CDH4: variants seen among roughly 807,000 people sequenced by gnomAD.
CDH4 encodes the protein cadherin-4.
Under a neutral mutation model 86.0 loss-of-function variants are expected in CDH4, and 33 were observed. That is an observed-to-expected ratio of 0.38 (90% CI 0.29 to 0.51). CDH4 has a LOEUF of 0.51. CDH4 is among the 20% of genes least tolerant of loss of function. CDH4 has a pLI of 0.86. For missense variants in CDH4, 1,114 were observed against 1,307.4 expected (o/e 0.85, Z 2.28); for synonymous variants, 555 against 549.4 (o/e 1.01, Z -0.14).
chr20:61,776,756 C>T (rs4925281), intron 4 of CDH4, among the ~76,000 whole-genome samples: 64,335 of 152,164 alleles, frequency 0.42, 14,406 homozygotes, highest in East Asian at 0.71. Flanking sequence ...AGCCATTCAG[C>T]CACCCAGGAT....
In CDH4 at chr20:61,572,360, G is replaced by A. The variant is rs137949998; in HGVS notation, c.170-171203G>A. ...GAATGAAGGCTGAAGTTTCCCAAGT[G>A]ACAGAGCAAAAGCTGGAGTGGGAGA... is the stretch of plus-strand genomic sequence containing the variant. On this transcript the variant is annotated intron_variant, in intron 2 of 15. Transcript: ENST00000614565. 3.4e-3 allele frequency among the ~76,000 whole-genome samples: 519 copies of A among 152,316 alleles called. 6 individuals are homozygous for A. The highest frequency in any genetic ancestry group is 0.012 in the African/African-American group (490 of 41,562).
At chr20:61,380,496 C>T (rs1436887736) in intron 2 of CDH4, among the ~76,000 whole-genome samples, 4 of 152,116 alleles carry the variant, frequency 2.6e-5, no homozygotes, top group Admixed American at 6.5e-5. Context: ...CCTTCCACGG[C>T]GCTCCCACCA....
intron 2 of CDH4, among the ~76,000 whole-genome samples, chr20:61,730,170 C>A (rs1443345718): frequency 6.6e-6 from 1 of 152,062 alleles, no homozygotes; most frequent in Admixed American, 6.6e-5. Context: ...AGGACACAGT[C>A]CAGGCTCCAG....
Position 61,769,245 on chromosome 20 carries a change from G to A in CDH4, c.397-3758G>A, listed in dbSNP as rs575915505. ...TCTCCAACTGCAGAACATATCAGGCGTGGTTGGCGGCCCCACCCCAGAGTT... is the reference window on the plus strand; with the variant it reads ...TCTCCAACTGCAGAACATATCAGGCATGGTTGGCGGCCCCACCCCAGAGTT... On this transcript the variant is annotated intron_variant, in intron 3 of 15. Coordinates refer to ENST00000614565, the MANE Select transcript of CDH4 (RefSeq NM_001794.5). 4.6e-5 allele frequency among the ~76,000 whole-genome samples: 7 copies of A among 152,328 alleles called. No homozygotes were observed. In the East Asian group the frequency reaches 5.8e-4, roughly 13 times the overall value.
chr20:61,744,225 TG>T (rs1436221410), intron 3 of CDH4, among the ~76,000 whole-genome samples: 1 of 149,676 alleles, frequency 6.7e-6, no homozygotes, highest in Non-Finnish European at 1.5e-5. Context: ...AACCAGAGAG[TG>T]GGGAGGCGAT....
intron 2 of CDH4, among the ~76,000 whole-genome samples, chr20:61,280,897 A>G (rs1362869704): frequency 2.6e-5 from 4 of 152,152 alleles, no homozygotes; most frequent in Non-Finnish European, 5.9e-5. Flanking sequence ...GGGTCCAGGA[A>G]CAGCTCACCC....
chr20:61,638,895 T>C (rs1415789999), intron 2 of CDH4, among the ~76,000 whole-genome samples: 3 of 151,944 alleles, frequency 2.0e-5, no homozygotes, highest in African/African-American at 7.3e-5. Flanking sequence ...CAGTGTAGGG[T>C]AGGGAATTGA....
intron 3 of CDH4, among the ~76,000 whole-genome samples, chr20:61,755,261 C>T (rs554189057): frequency 5.3e-5 from 8 of 150,618 alleles, no homozygotes; most frequent in Non-Finnish European, 8.9e-5. Context: ...ACAGCCAAAC[C>T]ATATCAATAC....
intron 2 of CDH4, among the ~76,000 whole-genome samples, chr20:61,336,230 C>T (rs562544132): frequency 5.5e-4 from 84 of 152,266 alleles, no homozygotes; most frequent in African/African-American, 2.0e-3. Context: ...AATCACAGTT[C>T]ACTCAATAAG....
intron 11 of CDH4, among the ~76,000 whole-genome samples, chr20:61,927,681 GC>G (rs1568893712): frequency 6.6e-6 from 1 of 152,236 alleles, no homozygotes. Flanking sequence ...GCGGATCCCA[GC>G]CCTCAGGGGC....
chr20:61,327,990 G>T (rs948716560), intron 2 of CDH4, among the ~76,000 whole-genome samples: 1 of 152,172 alleles, frequency 6.6e-6, no homozygotes, highest in African/African-American at 2.4e-5. Context: ...TGATGCTTTT[G>T]TGGGAGATGG....
In CDH4 at chr20:61,811,325, G is replaced by C. The variant is rs1039574755; in HGVS notation, c.577-33343G>C. On this transcript the variant is annotated intron_variant, in intron 4 of 15. Transcript: ENST00000614565. This position sits in a 1 kb window ranked among gnomAD's most constrained non-coding sequence, Gnocchi z 4.4. ...CGGCAGCCCAAGACCGCCCTCATCGGGGGTGGGAATGAAATGCCCCTTCCC... is the reference window on the plus strand; with the variant it reads ...CGGCAGCCCAAGACCGCCCTCATCGCGGGTGGGAATGAAATGCCCCTTCCC... Among the ~76,000 whole-genome samples, 2 of 152,188 alleles carry C rather than the reference G, an allele frequency of 1.3e-5. No individual in the cohort carries two copies. Among genetic ancestry groups the C allele is most frequent in the African/African-American group, 2.4e-5 (1 of 41,448 alleles).
chr20:61,356,167 G>A (rs28638801), intron 2 of CDH4, among the ~76,000 whole-genome samples: 6,593 of 152,294 alleles, frequency 0.043, 203 homozygotes, highest in Middle Eastern at 0.075. Flanking sequence ...TTTCTATGAA[G>A]TGCCTCATCT....
chr20:61,925,863 CACGTCTGCTACTAAGG>C (rs1368746896), intron 11 of CDH4, among the ~76,000 whole-genome samples: 11 of 152,146 alleles, frequency 7.2e-5, no homozygotes, highest in Non-Finnish European at 1.0e-4. Context: ...GGCACGGGCA[CACGTCTGCTACTAAGG>C]ACTTTCAGAA....
At chr20:61,767,330 C>T (rs2088711719) in intron 3 of CDH4, among the ~76,000 whole-genome samples, 1 of 152,202 alleles carries the variant, frequency 6.6e-6, no homozygotes, top group African/African-American at 2.4e-5. Flanking sequence ...TATCAGGGCC[C>T]TGCTGCCCCC....
At chr20:61,428,765 G>GATTTGTGC (rs372570563) in intron 2 of CDH4, among the ~76,000 whole-genome samples, 4,337 of 152,236 alleles carry the variant, frequency 0.028, 96 homozygotes, top group Non-Finnish European at 0.044. Flanking sequence ...CATGCATCAT[G>GATTTGTGC]ATTTTATCAT....
At chr20:61,414,464 C>T (rs2085135960) in intron 2 of CDH4, among the ~76,000 whole-genome samples, 1 of 152,218 alleles carries the variant, frequency 6.6e-6, no homozygotes, top group South Asian at 2.1e-4. Flanking sequence ...CATTCTGAGA[C>T]AGGCAGGCAC....
intron 2 of CDH4, among the ~76,000 whole-genome samples, chr20:61,416,501 C>G (rs896525657): frequency 6.6e-6 from 1 of 152,196 alleles, no homozygotes; most frequent in East Asian, 1.9e-4. Context: ...TAGTGACCAT[C>G]CTAATGGGTG....
chr20:61,825,529 A>T (rs1262328147), intron 4 of CDH4, among the ~76,000 whole-genome samples: 1 of 152,196 alleles, frequency 6.6e-6, no homozygotes, highest in Non-Finnish European at 1.5e-5. Context: ...CACTGTTCTC[A>T]GTGCCTCGTA....
Sources: gnomAD v4.1 joint callset for allele counts (sites outside exome capture counted in the v4.1 genomes callset) on GRCh38, gnomAD v4.1.1 for gene constraint, Gnocchi (gnomAD v3.1) non-coding constraint, MANE v1.5 for transcripts, NCBI Gene and HGNC (gene_info 2026-07-23, HGNC 2026-07-21) for gene names.